Variants in NOS1 observed in about 807,000 individuals in gnomAD.
NOS1 encodes nitric oxide synthase 1.
Under a neutral mutation model 164.5 loss-of-function variants are expected in NOS1, and 51 were observed. The ratio of observed to expected loss-of-function variants is 0.31; its 90% CI spans 0.25 to 0.39. The LOEUF is 0.39. Among genes scored for constraint, NOS1 ranks in the 10% least tolerant of loss-of-function variants. The pLI is 1.00. For synonymous variants in NOS1, 719 were observed against 745.8 expected, an observed-to-expected ratio of 0.96 and a Z score of 0.59; for missense variants, 1,362 against 1,885.6, an observed-to-expected ratio of 0.72 and a Z score of 5.14.
At chr12:117,244,740 T>C (rs1417002617) in intron 18 of NOS1, among the ~76,000 whole-genome samples, 2 of 152,242 alleles carry the variant, frequency 1.3e-5, no homozygotes, top group African/African-American at 4.8e-5. Flanking sequence ...GAAGTTCTGA[T>C]ACATGCTATG....
chr12:117,255,210 A>G (rs1007987125), intron 16 of NOS1, among the ~76,000 whole-genome samples: 4 of 152,172 alleles, frequency 2.6e-5, no homozygotes, highest in Middle Eastern at 6.8e-3. Context: ...AAAAAATCCA[A>G]TTTCTCCGTT....
At chr12:117,294,073 A>G (rs1222163779) in intron 3 of NOS1, among the ~76,000 whole-genome samples, 2 of 152,198 alleles carry the variant, frequency 1.3e-5, no homozygotes, top group East Asian at 3.8e-4. Flanking sequence ...TGAGAAAAAA[A>G]ACAAATAATC....
chr12:117,312,877 C>G (rs1409281147), intron 2 of NOS1, among the ~76,000 whole-genome samples: 3 of 152,178 alleles, frequency 2.0e-5, no homozygotes, highest in African/African-American at 7.2e-5. Context: ...ATCATCATCA[C>G]CACCACCATC....
chr12:117,251,550 C>G lies in NOS1; in HGVS notation c.2648+2088G>C, dbSNP rs1471906206. The stretch of plus-strand genomic sequence containing the variant: ...ACCACAGCCTCCCAAGTAGCTGGGA[C>G]TAAAGACATGTGCCACTATGCCCAG... On this transcript the variant is annotated intron_variant, in intron 17 of 28. Coordinates refer to ENST00000317775, the MANE Select transcript of NOS1 (RefSeq NM_000620.5). Among the ~76,000 whole-genome samples the G allele has an allele frequency of 8.6e-5, 13 of 151,788 alleles. 1 individual carries two copies.
At chr12:117,229,262 C>T (rs953581431) in intron 22 of NOS1, among the ~76,000 whole-genome samples, 16 of 152,198 alleles carry the variant, frequency 1.1e-4, no homozygotes, top group Admixed American at 3.9e-4. Flanking sequence ...TGGCTTCCCA[C>T]AGGCTGCTCC....
chr12:117,254,372 G>T (rs1429573541), intron 16 of NOS1, among the ~76,000 whole-genome samples: 1 of 152,210 alleles, frequency 6.6e-6, no homozygotes, highest in African/African-American at 2.4e-5. Flanking sequence ...CTCCCAAAGT[G>T]CTGGGATTAC....
At chr12:117,224,704 T>C (rs1367639525) in intron 25 of NOS1, among the ~76,000 whole-genome samples, 1 of 152,238 alleles carries the variant, frequency 6.6e-6, no homozygotes, top group Non-Finnish European at 1.5e-5. Flanking sequence ...TTTGCAATAA[T>C]TACATAAGCA....
At chr12:117,328,127 C>T (rs562662298) in intron 2 of NOS1, among the ~76,000 whole-genome samples, 1 of 152,104 alleles carries the variant, frequency 6.6e-6, no homozygotes, top group East Asian at 1.9e-4. Flanking sequence ...CCCTCTCCCA[C>T]CCCCTAGAAA....
In NOS1 at chr12:117,211,161, AC is replaced by A; in HGVS notation, c.*4147del. On this transcript the variant is annotated 3_prime_UTR_variant, in exon 29 of 29. Coordinates refer to ENST00000317775, the MANE Select transcript of NOS1 (RefSeq NM_000620.5). Reference sequence around the variant, plus strand: ...CTTAGTAGAGTCAGGGTTTCTACTAACTGGCTGACTGGTCTCCAACTCCTGA... The same window carrying A: ...CTTAGTAGAGTCAGGGTTTCTACTAATGGCTGACTGGTCTCCAACTCCTGA... The A allele has an allele frequency of 1.3e-6, 1 of 764,146 alleles. No homozygotes were observed. The highest frequency in any genetic ancestry group is 5.9e-5 in the South Asian group (1 of 16,900). The allele number at this position is 764,146 out of a possible 1,614,324, so 47.3% of individuals were successfully genotyped here. A position where few individuals can be genotyped will look rare whatever the true frequency, so the allele number is the denominator to read the frequency against.
Position 117,260,561 on chromosome 12 carries a change from C to T in NOS1, c.2271G>A (p.Arg757=), listed in dbSNP as rs370791066. 2 of 1,614,010 alleles carry T rather than the reference C, an allele frequency of 1.2e-6. No individual in the cohort carries two copies. Among genetic ancestry groups the T allele is most frequent in the African/African-American group, 2.7e-5 (2 of 74,914 alleles). The change falls in exon 14 of 29, where the codon AGG becomes AGA. Residue 757 remains arginine, a synonymous_variant. Coordinates refer to ENST00000317775, the MANE Select transcript of NOS1 (RefSeq NM_000620.5). ...TGGCATAGAGGATGGTCGCTTTCAC[C>T]CTCTTGGCCATAGCCTGCCCCATCA... is the stretch of plus-strand genomic sequence containing the variant. ...AKLMGQAMAK[R]VKATILYATE...
intron 14 of NOS1, among the ~76,000 whole-genome samples, chr12:117,259,988 G>A (rs971162798): frequency 6.6e-6 from 1 of 151,864 alleles, no homozygotes; most frequent in African/African-American, 2.4e-5. Context: ...ACGTGGTGGT[G>A]GGCGCCTGCA....
At chr12:117,216,928 G>A (rs1956620871) in intron 28 of NOS1, among the ~76,000 whole-genome samples, 1 of 152,152 alleles carries the variant, frequency 6.6e-6, no homozygotes, top group African/African-American at 2.4e-5. Context: ...TATGCCTTGT[G>A]TTGTTGAAAA....
intron 1 of NOS1, among the ~76,000 whole-genome samples, chr12:117,347,090 G>C (rs915837533): frequency 5.3e-5 from 8 of 151,980 alleles, no homozygotes; most frequent in African/African-American, 1.7e-4. Flanking sequence ...AGTTGAAGAC[G>C]AGCCTGGCCA....
chr12:117,271,082 G>A (rs562456801), intron 10 of NOS1, among the ~76,000 whole-genome samples: 2 of 151,146 alleles, frequency 1.3e-5, no homozygotes, highest in East Asian at 3.9e-4. Context: ...AAAAAAGTTT[G>A]CATTGCATCA....
intron 21 of NOS1, among the ~76,000 whole-genome samples, chr12:117,233,519 T>A (rs980469736): frequency 6.6e-6 from 1 of 151,376 alleles, no homozygotes; most frequent in East Asian, 2.0e-4. Context: ...AGAGAGGGTA[T>A]GTCTCAGCCG....
Position 117,256,031 on chromosome 12 carries a change from CG to C in NOS1, c.2532-2278del. The C allele has an allele frequency of 3.5e-6, 5 of 1,438,660 alleles. No homozygotes were observed. In the South Asian group the frequency reaches 7.9e-5, roughly 23 times the overall value. 89.1% of individuals were successfully genotyped at this position (1,438,660 alleles called of 1,614,324 possible). On this transcript the variant is annotated intron_variant, in intron 16 of 28. Transcript: ENST00000317775. ...TACGGGGAAAGAAACGCAAGGGTTC[CG>C]GGTACCTAGAGGGGAGAATCGATGG...
chr12:117,325,248 G>C (rs1475253186), intron 2 of NOS1, among the ~76,000 whole-genome samples: 1 of 152,198 alleles, frequency 6.6e-6, no homozygotes. Context: ...GCATTTTCCA[G>C]GCAGCCGTGT....
At chr12:117,233,243 T>G (rs1276614261) in intron 21 of NOS1, among the ~76,000 whole-genome samples, 2 of 151,660 alleles carry the variant, frequency 1.3e-5, no homozygotes, top group African/African-American at 4.8e-5. Flanking sequence ...GAGATGGCAT[T>G]TCACCATGTT....
chr12:117,308,946 T>C (rs182142283), intron 3 of NOS1, among the ~76,000 whole-genome samples: 42 of 152,276 alleles, frequency 2.8e-4, no homozygotes, highest in African/African-American at 9.4e-4. Context: ...ATGTAAAAAT[T>C]TGAAACATTG....
Sources: allele counts gnomAD v4.1 joint callset (sites outside exome capture counted in the v4.1 genomes callset), GRCh38; gene constraint gnomAD v4.1.1; transcripts MANE v1.5; gene names NCBI Gene and HGNC (gene_info 2026-07-23, HGNC 2026-07-21).